Variants in LSAMP observed in about 807,000 individuals in gnomAD.
LSAMP encodes the protein limbic system associated membrane protein.
In LSAMP, 7 loss-of-function variants were observed where a neutral mutation model predicts 38.6. The ratio of observed to expected loss-of-function variants is 0.18; its 90% CI spans 0.10 to 0.34. The LOEUF (loss-of-function observed/expected upper bound fraction) is 0.34. LSAMP is among the 10% of genes least tolerant of loss of function. The probability of loss-of-function intolerance (pLI) is 1.00; values close to 1 mark genes in which losing one functional copy is unlikely to be tolerated. For missense variants in LSAMP, 313 were observed against 420.0 expected (o/e 0.75, Z 2.23); for synonymous variants, 154 against 166.8 (o/e 0.92, Z 0.59).
chr3:115,952,490 A>C (rs1938323432), intron 3 of LSAMP, among the ~76,000 whole-genome samples: 1 of 152,210 alleles, frequency 6.6e-6, no homozygotes, highest in Non-Finnish European at 1.5e-5. Context: ...TATCATATGT[A>C]CTCACTCAAA....
chr3:115,939,619 A>C (rs1366048165), intron 3 of LSAMP, among the ~76,000 whole-genome samples: 1 of 139,284 alleles, frequency 7.2e-6, no homozygotes, highest in African/African-American at 2.6e-5. Flanking sequence ...GTGGTGTGAC[A>C]TAGCTTGCTG....
chr3:116,179,572 T>C (rs991353854), intron 1 of LSAMP, among the ~76,000 whole-genome samples: 3 of 151,714 alleles, frequency 2.0e-5, no homozygotes, highest in African/African-American at 7.3e-5. Context: ...TCAGGAAACT[T>C]TCAATCATGC....
At chr3:116,430,045 G>C (rs2049260550) in intron 1 of LSAMP, among the ~76,000 whole-genome samples, 1 of 152,180 alleles carries the variant, frequency 6.6e-6, no homozygotes, top group South Asian at 2.1e-4. Context: ...GAAGACGTAA[G>C]AGATGAGGTC....
intron 1 of LSAMP, among the ~76,000 whole-genome samples, chr3:116,153,957 CTG>C (rs1278000720): frequency 6.6e-6 from 1 of 152,046 alleles, no homozygotes; most frequent in Non-Finnish European, 1.5e-5. Context: ...CATTCTAAAT[CTG>C]TGTTTATTTA....
intron 1 of LSAMP, among the ~76,000 whole-genome samples, chr3:116,270,672 T>G (rs2046959498): frequency 1.3e-5 from 2 of 152,058 alleles, no homozygotes; most frequent in South Asian, 4.1e-4. Context: ...GGCCTTAATG[T>G]TTAATGTTGG....
chr3:115,821,124 G>GTC (rs768885458), intron 6 of LSAMP, among the ~76,000 whole-genome samples: 3 of 151,438 alleles, frequency 2.0e-5, no homozygotes, highest in Admixed American at 1.3e-4. Context: ...CTCTTTCTCT[G>GTC]TCTCTCTCTC....
intron 1 of LSAMP, among the ~76,000 whole-genome samples, chr3:116,091,511 G>T (rs1165076905): frequency 6.6e-6 from 1 of 152,156 alleles, no homozygotes; most frequent in Non-Finnish European, 1.5e-5. Context: ...TTTAGAGATT[G>T]CAGTAAAGAC....
chr3:116,059,428 T>C (rs975897578), intron 2 of LSAMP, among the ~76,000 whole-genome samples: 1 of 152,146 alleles, frequency 6.6e-6, no homozygotes. Context: ...GTTGGAAGAG[T>C]TGTGGCAGAA....
intron 6 of LSAMP, chr3:115,814,271 G>A (rs1322947341): frequency 6.6e-6 from 1 of 152,178 alleles, no homozygotes; most frequent in Non-Finnish European, 1.5e-5. Context: ...CCAGGTCAAG[G>A]TTCTCAACCC....
chr3:116,072,568 T>C (rs554975155), intron 2 of LSAMP, among the ~76,000 whole-genome samples: 2 of 152,318 alleles, frequency 1.3e-5, no homozygotes, highest in East Asian at 3.9e-4. Context: ...CTGTTAAGTT[T>C]CTTAACCTTA....
chr3:115,855,743 C>G (rs1246642416), intron 3 of LSAMP, among the ~76,000 whole-genome samples: 2 of 152,176 alleles, frequency 1.3e-5, no homozygotes, highest in African/African-American at 2.4e-5. Flanking sequence ...TCTTTCAGTT[C>G]TGACTGGCTG....
At chr3:115,903,509 G>T (rs534700516) in intron 3 of LSAMP, among the ~76,000 whole-genome samples, 1 of 152,120 alleles carries the variant, frequency 6.6e-6, no homozygotes, top group South Asian at 2.1e-4. Flanking sequence ...CAAAAAAAAG[G>T]TGTCAACAAA....
In LSAMP at chr3:115,804,955, A is replaced by G. The variant is rs901865817; in HGVS notation, c.*5362T>C. 2 of 152,170 alleles carry G rather than the reference A, an allele frequency of 1.3e-5. No individual in the cohort carries two copies. Among genetic ancestry groups the G allele is most frequent in the Non-Finnish European group, 2.9e-5 (2 of 68,002 alleles). The allele number at this position is 152,170 out of a possible 1,614,324, so 9.4% of individuals were successfully genotyped here. On this transcript the variant is annotated 3_prime_UTR_variant, in exon 7 of 7. Transcript: ENST00000490035. Reference sequence around the variant, plus strand: ...TTCTCGAGGATATAACATTTTTTATATTGCACAATTTCTTAGAATCCAGAT... The same window carrying G: ...TTCTCGAGGATATAACATTTTTTATGTTGCACAATTTCTTAGAATCCAGAT...
chr3:115,997,910 T>G (rs1178284346), intron 3 of LSAMP, among the ~76,000 whole-genome samples: 1 of 146,882 alleles, frequency 6.8e-6, no homozygotes. Flanking sequence ...ATAAAATACA[T>G]ATATACATAT....
chr3:116,213,206 G>C (rs148025836), intron 1 of LSAMP, among the ~76,000 whole-genome samples: 3 of 152,112 alleles, frequency 2.0e-5, no homozygotes, highest in Non-Finnish European at 4.4e-5. Flanking sequence ...GATATGGTTT[G>C]GTTGTGTCCC....
intron 2 of LSAMP, among the ~76,000 whole-genome samples, chr3:116,060,303 A>G (rs1286886706): frequency 6.6e-6 from 1 of 152,022 alleles, no homozygotes; most frequent in African/African-American, 2.4e-5. Context: ...AAAACTCACA[A>G]ATACATCAAA....
chr3:116,350,059 T>A (rs1353633607), intron 1 of LSAMP, among the ~76,000 whole-genome samples: 1 of 152,062 alleles, frequency 6.6e-6, no homozygotes, highest in African/African-American at 2.4e-5. Context: ...CTTTATACAT[T>A]TTTATTTGTA....
At chr3:115,860,606 T>C (rs1663943510) in intron 3 of LSAMP, among the ~76,000 whole-genome samples, 1 of 152,138 alleles carries the variant, frequency 6.6e-6, no homozygotes, top group South Asian at 2.1e-4. Context: ...AATGAACCAA[T>C]AAATGAGGGG....
chr3:116,214,797 C>T (rs142471097), intron 1 of LSAMP, among the ~76,000 whole-genome samples: 2 of 152,144 alleles, frequency 1.3e-5, no homozygotes, highest in African/African-American at 2.4e-5. Flanking sequence ...GTCACCACAC[C>T]CAGCCAGGAT....
Sources: allele counts gnomAD v4.1 joint callset (sites outside exome capture counted in the v4.1 genomes callset), GRCh38; gene constraint gnomAD v4.1.1; transcripts MANE v1.5; gene names NCBI Gene and HGNC (gene_info 2026-07-23, HGNC 2026-07-21).